The following DGKB variants were observed in gnomAD, a reference collection of about 807,000 sequenced individuals.
The protein encoded by DGKB is diacylglycerol kinase beta.
In DGKB, 67 loss-of-function variants were observed where a neutral mutation model predicts 114.3. The observed-to-expected ratio is 0.59, with a 90% CI of 0.48 to 0.72. DGKB has a LOEUF of 0.72. DGKB is among the 30% of genes least tolerant of loss of function. The probability of loss-of-function intolerance (pLI) is 0.00; values close to 1 mark genes in which losing one functional copy is unlikely to be tolerated. For missense variants in DGKB, 907 were observed against 975.2 expected (o/e 0.93, Z 0.93); for synonymous variants, 398 against 323.1 (o/e 1.23, Z -2.49).
intron 21 of DGKB, among the ~76,000 whole-genome samples, chr7:14,354,195 T>A (rs1814035507): frequency 6.6e-6 from 1 of 152,226 alleles, no homozygotes; most frequent in South Asian, 2.1e-4. Flanking sequence ...TAGGAACATG[T>A]ACAGCCTAGT....
At chr7:14,724,396 A>G (rs1017031338) in intron 5 of DGKB, among the ~76,000 whole-genome samples, 2 of 152,170 alleles carry the variant, frequency 1.3e-5, no homozygotes, top group Non-Finnish European at 2.9e-5. Flanking sequence ...AATTAGGTAG[A>G]TGGCATTTTC....
chr7:14,870,522 G>T (rs953086465), intron 1 of DGKB, among the ~76,000 whole-genome samples: 9 of 152,114 alleles, frequency 5.9e-5, no homozygotes, highest in South Asian at 2.1e-4. Flanking sequence ...AATTGGCCAG[G>T]TGTGATGGCT....
intron 20 of DGKB, among the ~76,000 whole-genome samples, chr7:14,560,792 A>G (rs1005506675): frequency 2.0e-5 from 3 of 152,188 alleles, no homozygotes; most frequent in African/African-American, 7.2e-5. Context: ...ATTGTATTGC[A>G]TAGTGGCTAT....
At chr7:14,271,120 A>T (rs1051243390) in intron 23 of DGKB, among the ~76,000 whole-genome samples, 10 of 152,160 alleles carry the variant, frequency 6.6e-5, no homozygotes, top group African/African-American at 2.2e-4. Context: ...TTACAGGGCA[A>T]TTTTTTTAAA....
At chr7:14,641,203 TTTTAA>T (rs1811715497) in intron 13 of DGKB, among the ~76,000 whole-genome samples, 1 of 152,064 alleles carries the variant, frequency 6.6e-6, no homozygotes, top group African/African-American at 2.4e-5. Flanking sequence ...AATCTCATTG[TTTTAA>T]TTTATATTTC....
chr7:14,704,551 C>T (rs954331283), intron 6 of DGKB, among the ~76,000 whole-genome samples: 3 of 151,840 alleles, frequency 2.0e-5, no homozygotes, highest in Non-Finnish European at 2.9e-5. Flanking sequence ...ACGCAGAAGA[C>T]GGGTGATTTC....
chr7:14,625,364 T>G (rs1391674323), intron 14 of DGKB, among the ~76,000 whole-genome samples: 1 of 152,184 alleles, frequency 6.6e-6, no homozygotes, highest in Non-Finnish European at 1.5e-5. Flanking sequence ...CTCTCCTTTT[T>G]ATATGAGGGA....
intron 1 of DGKB, among the ~76,000 whole-genome samples, chr7:14,954,521 T>C (rs1025946264): frequency 2.0e-5 from 3 of 152,008 alleles, no homozygotes; most frequent in Non-Finnish European, 4.4e-5. Flanking sequence ...AGCCACTGAA[T>C]TGAAAATAAA....
At chr7:14,859,407 G>A (rs1013773186) in intron 1 of DGKB, among the ~76,000 whole-genome samples, 14 of 152,070 alleles carry the variant, frequency 9.2e-5, no homozygotes, top group Non-Finnish European at 1.8e-4. Flanking sequence ...TTTGTTCAGA[G>A]TCAGAAACGG....
chr7:14,381,524 C>T (rs117625202), intron 21 of DGKB, among the ~76,000 whole-genome samples: 2,124 of 152,242 alleles, frequency 0.014, 26 homozygotes, highest in Non-Finnish European at 0.023. Flanking sequence ...AGTGATCTAA[C>T]TAATGAATCT....
chr7:14,374,820 C>G (rs1232472819), intron 21 of DGKB, among the ~76,000 whole-genome samples: 1 of 152,124 alleles, frequency 6.6e-6, no homozygotes, highest in Non-Finnish European at 1.5e-5. Context: ...TGGCCTCTAT[C>G]AACTATATGT....
At chr7:14,168,701 T>G (rs1187701777) in intron 25 of DGKB, among the ~76,000 whole-genome samples, 2 of 152,332 alleles carry the variant, frequency 1.3e-5, no homozygotes, top group African/African-American at 2.4e-5. Flanking sequence ...TGCTTACAAT[T>G]AAGTCAGAAG....
intron 2 of DGKB, among the ~76,000 whole-genome samples, chr7:14,808,267 A>C (rs1249430792): frequency 1.3e-5 from 2 of 152,074 alleles, no homozygotes; most frequent in Non-Finnish European, 2.9e-5. Flanking sequence ...TGCTCTACAG[A>C]AAATAGCATT....
intron 20 of DGKB, among the ~76,000 whole-genome samples, chr7:14,571,588 A>G (rs1798388831): frequency 6.6e-6 from 1 of 152,232 alleles, no homozygotes; most frequent in Non-Finnish European, 1.5e-5. Flanking sequence ...ATGGATTTGC[A>G]AGGCTACACA....
At chr7:14,941,218 C>T (rs1022099994) in intron 1 of DGKB, among the ~76,000 whole-genome samples, 1 of 151,988 alleles carries the variant, frequency 6.6e-6, no homozygotes, top group East Asian at 1.9e-4. Context: ...AAAATGACCA[C>T]TTTTCAAGTG....
intron 20 of DGKB, among the ~76,000 whole-genome samples, chr7:14,573,902 G>A (rs1176400876): frequency 6.6e-6 from 1 of 152,030 alleles, no homozygotes; most frequent in Non-Finnish European, 1.5e-5. Flanking sequence ...TCTAAAACTT[G>A]TAAGTATATT....
At chr7:14,170,153 G>GAAAGAAAGAAAGAAAGAAAAGA (rs1780717698) in intron 25 of DGKB, among the ~76,000 whole-genome samples, 11 of 47,572 alleles carry the variant, frequency 2.3e-4, no homozygotes, top group Middle Eastern at 0.015. Flanking sequence ...AAAAAAGAAA[G>GAAAGAAAGAAAGAAAGAAAAGA]AAAGAAAGAA....
intron 1 of DGKB, among the ~76,000 whole-genome samples, chr7:14,915,709 T>C (rs552612640): frequency 6.6e-6 from 1 of 152,248 alleles, no homozygotes; most frequent in Non-Finnish European, 1.5e-5. Flanking sequence ...TAGGATTCTA[T>C]ATCCAGTAAA....
intron 23 of DGKB, among the ~76,000 whole-genome samples, chr7:14,316,086 G>A (rs962222130): frequency 1.1e-4 from 17 of 150,324 alleles, no homozygotes; most frequent in Admixed American, 6.6e-4. Flanking sequence ...TGAAACCAAC[G>A]AGAACAAAGA....
Sources: allele counts gnomAD v4.1 joint callset (sites outside exome capture counted in the v4.1 genomes callset), GRCh38; gene constraint gnomAD v4.1.1; transcripts MANE v1.5; gene names NCBI Gene and HGNC (gene_info 2026-07-23, HGNC 2026-07-21).